The following PTPRO variants were observed in gnomAD, a reference collection of about 807,000 sequenced individuals.
PTPRO encodes protein tyrosine phosphatase receptor type O.
In PTPRO, 62 loss-of-function variants were observed where a neutral mutation model predicts 145.2. The ratio of observed to expected loss-of-function variants is 0.43; its 90% confidence interval spans 0.35 to 0.53. PTPRO has a LOEUF of 0.53. Ranked by LOEUF, PTPRO falls within the 20% of genes least tolerant of loss-of-function variation. PTPRO has a pLI of 0.01. For synonymous variants in PTPRO, 565 were observed against 514.7 expected (o/e 1.10, Z -1.32); for missense variants, 1,345 against 1,482.7 (o/e 0.91, Z 1.53).
At chr12:15,545,368 G>A (rs545898029) in intron 12 of PTPRO, among the ~76,000 whole-genome samples, 112 of 151,712 alleles carry the variant, frequency 7.4e-4, no homozygotes, top group Non-Finnish European at 8.5e-4. Context: ...GCAATGTCAG[G>A]GGGTCTGAGA....
intron 1 of PTPRO, among the ~76,000 whole-genome samples, chr12:15,422,503 T>C (rs1216008187): frequency 2.0e-5 from 3 of 152,186 alleles, no homozygotes; most frequent in African/African-American, 7.2e-5. Context: ...CTGCCAATTA[T>C]TTGGCAGTTT....
At chr12:15,485,157 AAGAAGCAAAAACTC>A (rs367945626) in intron 2 of PTPRO, among the ~76,000 whole-genome samples, 151 of 152,278 alleles carry the variant, frequency 9.9e-4, no homozygotes, top group African/African-American at 3.5e-3. Flanking sequence ...CAGAAACTAC[AAGAAGCAAAAACTC>A]AGAACCAAGC....
chr12:15,398,448 C>T (rs1053356028), intron 1 of PTPRO, among the ~76,000 whole-genome samples: 3 of 148,188 alleles, frequency 2.0e-5, no homozygotes, highest in African/African-American at 7.5e-5. Context: ...TCCAGGGCTA[C>T]TATTTATATG....
chr12:15,569,614 C>T, intron 19 of PTPRO, 116 bp downstream of exon 19: 1 of 916,466 alleles, frequency 1.1e-6, no homozygotes, highest in Non-Finnish European at 1.7e-6. Flanking sequence ...AGGGTATTGG[C>T]CTGGGGATTG....
At chr12:15,373,362 A>G (rs566851114) in intron 1 of PTPRO, among the ~76,000 whole-genome samples, 7 of 152,306 alleles carry the variant, frequency 4.6e-5, no homozygotes, top group South Asian at 4.1e-4. Context: ...CTGAGAACAA[A>G]TCTTCGTCAG....
Position 15,484,108 on chromosome 12 carries a change from A to G in PTPRO, c.210A>G (p.Glu70=), listed in dbSNP as rs2136439325. The change falls in exon 2 of 27, where the codon GAA becomes GAG. Residue 70 remains glutamate, a synonymous_variant. Transcript: ENST00000281171. ...GTGAATCCAAAAATTATTTCTTCGA[A>G]TTTGAGGAATTCAACAGCACTTTGC... is the stretch of plus-strand genomic sequence containing the variant. The part of the protein sequence containing the change: ...ITGESKNYFF[E]FEEFNSTLPP... 2 of 1,613,854 alleles carry G rather than the reference A, an allele frequency of 1.2e-6. No individual in the cohort carries two copies. Among genetic ancestry groups the G allele is most frequent in the African/African-American group, 1.3e-5 (1 of 75,024 alleles).
intron 15 of PTPRO, among the ~76,000 whole-genome samples, chr12:15,556,109 T>C (rs1027238072): frequency 2.0e-5 from 3 of 152,210 alleles, no homozygotes; most frequent in Non-Finnish European, 2.9e-5. Context: ...ATGTACCCTT[T>C]TCCCACATAT....
intron 25 of PTPRO, among the ~76,000 whole-genome samples, chr12:15,592,168 C>T (rs1422864244): frequency 1.3e-5 from 2 of 151,964 alleles, no homozygotes; most frequent in Non-Finnish European, 2.9e-5. Context: ...TGGTTCATCC[C>T]GTATTTTGAA....
chr12:15,580,461 G>C (rs997079354), intron 21 of PTPRO, among the ~76,000 whole-genome samples: 6 of 152,206 alleles, frequency 3.9e-5, no homozygotes, highest in African/African-American at 1.4e-4. Flanking sequence ...TCATAAAAAG[G>C]TGTGGATGTG....
At chr12:15,537,072 G>A (rs1206424896) in intron 12 of PTPRO, among the ~76,000 whole-genome samples, 1 of 152,148 alleles carries the variant, frequency 6.6e-6, no homozygotes, top group African/African-American at 2.4e-5. Context: ...TGGAAAGACA[G>A]AGGTTTGATT....
intron 12 of PTPRO, among the ~76,000 whole-genome samples, chr12:15,536,500 A>G (rs1401560884): frequency 6.6e-6 from 1 of 152,208 alleles, no homozygotes; most frequent in African/African-American, 2.4e-5. Context: ...CAAACAAGGT[A>G]GAGAGCCATA....
At chr12:15,508,273 G>C (rs1225700604) in intron 6 of PTPRO, among the ~76,000 whole-genome samples, 3 of 152,146 alleles carry the variant, frequency 2.0e-5, no homozygotes, top group African/African-American at 7.2e-5. Flanking sequence ...TTTGTTAAAA[G>C]AGAAGTAAGT....
At chr12:15,437,132 G>A (rs1940618157) in intron 1 of PTPRO, among the ~76,000 whole-genome samples, 1 of 151,686 alleles carries the variant, frequency 6.6e-6, no homozygotes, top group Non-Finnish European at 1.5e-5. Context: ...GGGTCTCTGT[G>A]CTCCATGCCC....
intron 1 of PTPRO, among the ~76,000 whole-genome samples, chr12:15,365,148 A>G (rs1227602380): frequency 1.3e-5 from 2 of 152,076 alleles, no homozygotes; most frequent in East Asian, 1.9e-4. Context: ...TGATTTTGCT[A>G]TGCTGGACAT....
chr12:15,414,110 T>C (rs1400680104), intron 1 of PTPRO, among the ~76,000 whole-genome samples: 1 of 152,200 alleles, frequency 6.6e-6, no homozygotes, highest in Admixed American at 6.5e-5. Context: ...GACTAACTTG[T>C]CTAACCGTAA....
intron 1 of PTPRO, among the ~76,000 whole-genome samples, chr12:15,461,391 A>T (rs116661806): frequency 0.035 from 5,324 of 152,076 alleles, 114 homozygotes; most frequent in East Asian, 0.11. Flanking sequence ...AACCACAACC[A>T]CCTTGGACAT....
At chr12:15,547,590 G>T (rs1943328131) in intron 13 of PTPRO, among the ~76,000 whole-genome samples, 1 of 152,140 alleles carries the variant, frequency 6.6e-6, no homozygotes. Context: ...CTCCTTTTGA[G>T]ATTCCCTTCT....
chr12:15,531,737 A>G (rs890314690), intron 12 of PTPRO, among the ~76,000 whole-genome samples: 1 of 152,210 alleles, frequency 6.6e-6, no homozygotes, highest in African/African-American at 2.4e-5. Flanking sequence ...TAATTTCAAT[A>G]TGTAATTTTC....
rs1866323197 is a variant in PTPRO at position 15,322,511 on chromosome 12, CATT to C, written c.-214_-212del. 1.6e-6 allele frequency: 1 copy of C among 612,438 alleles called. No homozygotes were observed. Among genetic ancestry groups the C allele is most frequent in the African/African-American group, 1.9e-5 (1 of 53,418 alleles). 37.9% of individuals were successfully genotyped at this position (612,438 alleles called of 1,614,324 possible). A position where few individuals can be genotyped will look rare whatever the true frequency, so the allele number is the denominator to read the frequency against. On this transcript the variant is annotated 5_prime_UTR_variant, in exon 1 of 27. Transcript: ENST00000281171. The surrounding 1 kb of genome is among the most constrained non-coding windows in gnomAD (Gnocchi z 6.3). ...AATCCCCACCCTCTCCATCCTTAGT[CATT>C]AAAGAACAGCAGCGCCTGGCACGTT...
Sources: allele counts gnomAD v4.1 joint callset (sites outside exome capture counted in the v4.1 genomes callset), GRCh38; gene constraint gnomAD v4.1.1; non-coding constraint Gnocchi (gnomAD v3.1); transcripts MANE v1.5; gene names NCBI Gene and HGNC (gene_info 2026-07-23, HGNC 2026-07-21).